SPINK13: variants seen among roughly 807,000 people sequenced by gnomAD.
The protein encoded by SPINK13 is serine peptidase inhibitor Kazal type 13, also known as serine protease inhibitor Kazal-type 13.
In SPINK13, 11 loss-of-function variants were observed where a neutral mutation model predicts 11.0. The observed-to-expected ratio is 1.00, with a 90% CI of 0.63 to 1.65. SPINK13 has a LOEUF of 1.65. Among genes scored for constraint, SPINK13 ranks in the 40% most tolerant of loss-of-function variants. The pLI, the probability that SPINK13 is intolerant of heterozygous loss-of-function variation, is 0.00. For synonymous variants in SPINK13, 31 were observed against 35.6 expected, an observed-to-expected ratio of 0.87 and a Z score of 0.46; for missense variants, 113 against 117.7, an observed-to-expected ratio of 0.96 and a Z score of 0.19.
Position 148,274,364 on chromosome 5 carries a change from G to T in SPINK13, c.88G>T (p.Asp30Tyr), listed in dbSNP as rs201253316. 2.2e-4 allele frequency: 357 copies of T among 1,612,110 alleles called. 2 individuals carry two copies. Among genetic ancestry groups the T allele is most frequent in the Middle Eastern group, 6.6e-4 (4 of 6,080 alleles). ...VAFSGIFNKR[D>Y]FTRWPKPRCK... is the part of the protein sequence containing the mutation. ...ATTAGCAGGAATTTTCAATAAACGT[G>T]ACTTCACTAGGTGGCCTAAGGTAAA... Residue 30 changes from aspartate to tyrosine, a missense_variant, in exon 3 of 5, where the codon GAC becomes TAC. Coordinates refer to ENST00000398450, the MANE Select transcript of SPINK13 (RefSeq NM_001040129.3).
intron 1 of SPINK13, among the ~76,000 whole-genome samples, chr5:148,269,758 T>C (rs1238435803): frequency 1.3e-5 from 2 of 152,182 alleles, no homozygotes; most frequent in African/African-American, 2.4e-5. Flanking sequence ...GGTAATAGAC[T>C]TTGAGTCAGC....
intron 2 of SPINK13, among the ~76,000 whole-genome samples, chr5:148,272,053 GAAT>G (rs1044386974): frequency 2.0e-5 from 3 of 152,130 alleles, no homozygotes; most frequent in African/African-American, 7.2e-5. Flanking sequence ...TTTCATTGAT[GAAT>G]AATATCACAT....
At chr5:148,275,446 G>A (rs1029908913) in intron 3 of SPINK13, among the ~76,000 whole-genome samples, 1 of 152,126 alleles carries the variant, frequency 6.6e-6, no homozygotes, top group African/African-American at 2.4e-5. Context: ...ATAAACATAT[G>A]TGTGCATGTG....
In SPINK13 at chr5:148,268,879, C is replaced by T. The variant is rs907910950; in HGVS notation, c.-43C>T. On this transcript the variant is annotated 5_prime_UTR_variant, in exon 1 of 5. Coordinates refer to ENST00000398450, the MANE Select transcript of SPINK13 (RefSeq NM_001040129.3). ...ACAAGAGCAGGCCCATATTCAGCCA[C>T]CTCATCCAGGTAACCACTCTTTGAC... 5 of 132,184 alleles carry T rather than the reference C, an allele frequency of 3.8e-5. No individual in the cohort carries two copies. The highest frequency in any genetic ancestry group is 1.9e-4 in the African/African-American group (5 of 25,746). The allele number at this position is 132,184 out of a possible 1,614,324, so 8.2% of individuals were successfully genotyped here. A position where few individuals can be genotyped will look rare whatever the true frequency, so the allele number is the denominator to read the frequency against.
intron 4 of SPINK13, among the ~76,000 whole-genome samples, chr5:148,282,684 G>A (rs1451168225): frequency 6.6e-6 from 1 of 152,212 alleles, no homozygotes; most frequent in East Asian, 1.9e-4. Context: ...ATAGATGCAG[G>A]TATAGATACA....
intron 3 of SPINK13, among the ~76,000 whole-genome samples, chr5:148,276,108 G>T (rs1394048187): frequency 6.6e-6 from 1 of 152,144 alleles, no homozygotes; most frequent in Non-Finnish European, 1.5e-5. Flanking sequence ...TTTGAAAAAT[G>T]TCTGTTCATA....
At chr5:148,283,113 G>A (rs1014588457) in intron 4 of SPINK13, among the ~76,000 whole-genome samples, 1 of 152,088 alleles carries the variant, frequency 6.6e-6, no homozygotes, top group African/African-American at 2.4e-5. Context: ...TCACAGAAGC[G>A]ATACTTAATT....
intron 4 of SPINK13, among the ~76,000 whole-genome samples, chr5:148,285,764 GA>G (rs956025135): frequency 6.6e-6 from 1 of 151,222 alleles, no homozygotes; most frequent in African/African-American, 2.4e-5. Flanking sequence ...GTTAGGGGAT[GA>G]AAAACTCTAC....
intron 1 of SPINK13, 40 bp from the exon 2 acceptor site, chr5:148,270,000 C>T: frequency 2.8e-6 from 4 of 1,431,120 alleles, no homozygotes; most frequent in Non-Finnish European, 3.9e-6. Flanking sequence ...GAAAAGCTAG[C>T]TGTGGGGGAA....
chr5:148,274,917 T>G (rs182149324), intron 3 of SPINK13, among the ~76,000 whole-genome samples: 26 of 152,282 alleles, frequency 1.7e-4, no homozygotes, highest in African/African-American at 5.8e-4. Flanking sequence ...AGTAAATATA[T>G]CTCTGATCAT....
At chr5:148,283,919 A>G (rs903395784) in intron 4 of SPINK13, among the ~76,000 whole-genome samples, 3 of 152,182 alleles carry the variant, frequency 2.0e-5, no homozygotes, top group Non-Finnish European at 4.4e-5. Context: ...GTGGGCCGTG[A>G]TCTGCCGGAC....
intron 3 of SPINK13, among the ~76,000 whole-genome samples, chr5:148,278,272 A>T (rs1018785477): frequency 1.3e-5 from 2 of 152,054 alleles, no homozygotes; most frequent in Admixed American, 1.3e-4. Context: ...TATCGCCTTC[A>T]GTTCTGCTCT....
At chr5:148,275,670 T>C (rs927200169) in intron 3 of SPINK13, among the ~76,000 whole-genome samples, 6 of 151,482 alleles carry the variant, frequency 4.0e-5, no homozygotes, top group Non-Finnish European at 8.8e-5. Flanking sequence ...TTTTTTCTTT[T>C]TTTTTTTTTT....
At position 148,281,182 on chromosome 5, in the gene SPINK13, G is replaced by A. The variant is rs1174889552; in HGVS notation, c.109-922G>A. On this transcript the variant is annotated intron_variant, in intron 3 of 4. Transcript: ENST00000398450. ...TCGACCTCCGACTGCTGTGCTGGCA[G>A]CAAGAATTTCAAGCCAGTGGATCTT... Among the ~76,000 whole-genome samples the A allele has an allele frequency of 6.6e-5, 10 of 152,206 alleles. No individual in the cohort carries two copies. In the South Asian group the frequency reaches 1.9e-3, roughly 28 times the overall value.
chr5:148,270,129 T>C lies in SPINK13; in HGVS notation c.57T>C (p.His19=). 4 of 1,614,072 alleles carry C rather than the reference T, an allele frequency of 2.5e-6. No individual in the cohort carries two copies. The South Asian group carries it at 3.3e-5, about 13-fold the overall frequency. The part of the protein sequence containing the change: ...IFFLVCSTLT[H]VAFSGIFNKR... ...TCCTGGTATGCTCTACTTTGACACATGTGGCTTTCTCAGGTGAGTAACCTA... is the reference window on the plus strand; with the variant it reads ...TCCTGGTATGCTCTACTTTGACACACGTGGCTTTCTCAGGTGAGTAACCTA... Residue 19 remains histidine, a synonymous_variant, in exon 2 of 5, where the codon CAT becomes CAC. Transcript: ENST00000398450.
At chr5:148,280,100 A>G (rs1487805160) in intron 3 of SPINK13, among the ~76,000 whole-genome samples, 1 of 152,014 alleles carries the variant, frequency 6.6e-6, no homozygotes, top group African/African-American at 2.4e-5. Context: ...TGTATGCTTC[A>G]TGAAGTTCTC....
intron 3 of SPINK13, among the ~76,000 whole-genome samples, chr5:148,275,119 T>C (rs907455527): frequency 6.6e-6 from 1 of 152,196 alleles, no homozygotes; most frequent in Non-Finnish European, 1.5e-5. Context: ...TTTCTCCTAA[T>C]GCTATTCCTC....
chr5:148,280,024 C>T (rs1443242157), intron 3 of SPINK13, among the ~76,000 whole-genome samples: 2 of 152,038 alleles, frequency 1.3e-5, no homozygotes, highest in Non-Finnish European at 2.9e-5. Flanking sequence ...CACTTTATTT[C>T]ATTAAGTTGA....
chr5:148,275,666 CTTTT>C (rs768312591), intron 3 of SPINK13, among the ~76,000 whole-genome samples: 2 of 142,336 alleles, frequency 1.4e-5, no homozygotes, highest in Non-Finnish European at 1.5e-5. Flanking sequence ...GACTTTTTTT[CTTTT>C]TTTTTTTTTT....
Sources: gnomAD v4.1 joint callset for allele counts (sites outside exome capture counted in the v4.1 genomes callset) on GRCh38, gnomAD v4.1.1 for gene constraint, MANE v1.5 for transcripts, NCBI Gene and HGNC (gene_info 2026-07-23, HGNC 2026-07-21) for gene names.